ANO5: variants seen among roughly 807,000 people sequenced by gnomAD.
ANO5 encodes the protein anoctamin-5.
In ANO5, 109 loss-of-function variants were observed where a neutral mutation model predicts 121.0. The observed-to-expected ratio is 0.90, with a 90% CI of 0.77 to 1.06. ANO5 has a LOEUF of 1.06. Among genes scored for constraint, ANO5 ranks in the 50% least tolerant of loss-of-function variants. The probability of loss-of-function intolerance (pLI) is 0.00; values close to 1 mark genes in which losing one functional copy is unlikely to be tolerated. For missense variants in ANO5, 1,064 were observed against 1,078.5 expected (o/e 0.99, Z 0.19); for synonymous variants, 406 against 359.9 (o/e 1.13, Z -1.45).
chr11:22,231,345 A>T (rs1050865907), intron 7 of ANO5, among the ~76,000 whole-genome samples: 13 of 151,862 alleles, frequency 8.6e-5, no homozygotes, highest in Admixed American at 4.6e-4. Context: ...ACCTTATTAA[A>T]TTTTTTAATT....
intron 9 of ANO5, among the ~76,000 whole-genome samples, chr11:22,241,813 G>A (rs73481671): frequency 0.055 from 8,304 of 152,048 alleles, 770 homozygotes; most frequent in African/African-American, 0.19. Context: ...TGTGTAGTTT[G>A]TGAATGTTTT....
intron 5 of ANO5, among the ~76,000 whole-genome samples, chr11:22,223,199 G>T (rs1228745257): frequency 6.6e-6 from 1 of 151,940 alleles, no homozygotes; most frequent in Non-Finnish European, 1.5e-5. Flanking sequence ...TCATTAGAAG[G>T]AATCACAGGA....
intron 5 of ANO5, among the ~76,000 whole-genome samples, chr11:22,222,400 A>G (rs1590238359): frequency 6.6e-6 from 1 of 151,808 alleles, no homozygotes; most frequent in Non-Finnish European, 1.5e-5. Flanking sequence ...CCCTTTTCCA[A>G]TAATCTTAGC....
chr11:22,248,348 TACTCA>T (rs1853690380), intron 9 of ANO5, among the ~76,000 whole-genome samples: 3 of 152,084 alleles, frequency 2.0e-5, no homozygotes, highest in African/African-American at 7.2e-5. Flanking sequence ...TAAAAAATAA[TACTCA>T]AAAGAAGGCT....
intron 6 of ANO5, among the ~76,000 whole-genome samples, chr11:22,226,520 C>T (rs1215412570): frequency 6.6e-6 from 1 of 151,916 alleles, no homozygotes; most frequent in Non-Finnish European, 1.5e-5. Context: ...ATATCTTACC[C>T]TATCTATTCC....
In ANO5 at chr11:22,211,191, T is replaced by G. The variant is rs1590223760; in HGVS notation, c.88-73T>G. ...TGCATAGAGATTACAGAGTTGTTAC[T>G]GAAACTTAAAAGCACCCTTTGCTCC... On this transcript the variant is annotated intron_variant, in intron 2 of 21. Coordinates refer to ENST00000324559, the MANE Select transcript of ANO5 (RefSeq NM_213599.3). The G allele has an allele frequency of 3.3e-6, 5 of 1,504,102 alleles. No individual in the cohort carries two copies. The East Asian group carries it at 1.1e-4, about 34-fold the overall frequency. 93.2% of individuals were successfully genotyped at this position (1,504,102 alleles called of 1,614,324 possible).
chr11:22,256,945 G>A (rs1376130315), intron 13 of ANO5, among the ~76,000 whole-genome samples: 1 of 152,146 alleles, frequency 6.6e-6, no homozygotes, highest in Non-Finnish European at 1.5e-5. Flanking sequence ...ATTCTGAGGT[G>A]TGTAGGACTC....
At chr11:22,217,943 T>A (rs1852506156) in intron 3 of ANO5, among the ~76,000 whole-genome samples, 1 of 151,950 alleles carries the variant, frequency 6.6e-6, no homozygotes, top group Non-Finnish European at 1.5e-5. Context: ...TAAAAAAAAG[T>A]AGAAATAAAT....
intron 2 of ANO5, among the ~76,000 whole-genome samples, chr11:22,209,935 AC>A (rs1266270436): frequency 6.6e-6 from 1 of 151,918 alleles, no homozygotes; most frequent in Admixed American, 6.6e-5. Context: ...TATAAATGAA[AC>A]TATAATAAAT....
Position 22,250,330 on chromosome 11 carries a change from TTTTA to T in ANO5, c.978_981del (p.Ile326MetfsTer24). On this transcript the variant is annotated frameshift_variant, in exon 10 of 22. Transcript: ENST00000324559. LOFTEE classifies it high-confidence loss of function. ...TTGCAGCTGTAGTTGGCTTAGCTTG[TTTTA>T]TTTATGGCTTATTATCAATGGAACA... is the stretch of plus-strand genomic sequence containing the variant. 2 of 1,613,482 alleles carry T rather than the reference TTTTA, an allele frequency of 1.2e-6. No individual in the cohort carries two copies. Among genetic ancestry groups the T allele is most frequent in the Non-Finnish European group, 1.7e-6 (2 of 1,179,678 alleles).
intron 9 of ANO5, among the ~76,000 whole-genome samples, chr11:22,242,875 A>G (rs1294550119): frequency 6.6e-6 from 1 of 151,972 alleles, no homozygotes; most frequent in African/African-American, 2.4e-5. Context: ...TTCTTGTCCT[A>G]TTTGGATGCC....
intron 13 of ANO5, 33 bp downstream of exon 13, chr11:22,255,555 T>A: frequency 6.2e-7 from 1 of 1,609,204 alleles, no homozygotes; most frequent in Non-Finnish European, 8.5e-7. Flanking sequence ...GGACAGCATA[T>A]CTCAATGGAC....
intron 1 of ANO5, among the ~76,000 whole-genome samples, chr11:22,199,852 C>A (rs1851913916): frequency 6.6e-6 from 1 of 152,068 alleles, no homozygotes; most frequent in South Asian, 2.1e-4. Flanking sequence ...TATGGATATT[C>A]TTCTCTGATT....
intron 12 of ANO5, among the ~76,000 whole-genome samples, chr11:22,254,607 G>C (rs142594398): frequency 1.2e-3 from 182 of 151,466 alleles, no homozygotes; most frequent in African/African-American, 4.0e-3. Flanking sequence ...AAAAAAGCTT[G>C]ACACGAAAAA....
chr11:22,273,102 C>G, intron 19 of ANO5, 113 bp downstream of exon 19: 1 of 1,166,036 alleles, frequency 8.6e-7, no homozygotes, highest in South Asian at 1.2e-5. Context: ...CTTTATAAAG[C>G]TAAAACATTC....
intron 1 of ANO5, among the ~76,000 whole-genome samples, chr11:22,200,522 T>G (rs766018869): frequency 2.0e-5 from 3 of 152,168 alleles, no homozygotes; most frequent in Non-Finnish European, 2.9e-5. Flanking sequence ...CTTCATAAGC[T>G]TTACTGTTTA....
chr11:22,226,169 A>G, intron 6 of ANO5, 117 bp downstream of exon 6: 2 of 812,598 alleles, frequency 2.5e-6, no homozygotes, highest in South Asian at 3.0e-5. Context: ...TCTTTTGGCT[A>G]CAGATATGTG....
intron 17 of ANO5, among the ~76,000 whole-genome samples, chr11:22,264,024 C>CTTT (rs71034583): frequency 0.08 from 10,274 of 127,992 alleles, 1,517 homozygotes; most frequent in African/African-American, 0.26. Flanking sequence ...ATAGCCAAAC[C>CTTT]TTTTTTTTTT....
intron 21 of ANO5, among the ~76,000 whole-genome samples, chr11:22,279,323 G>A (rs1854986895): frequency 6.6e-6 from 1 of 151,750 alleles, no homozygotes. Context: ...CAATAATCAT[G>A]TTCAACTGGA....
Sources: allele counts gnomAD v4.1 joint callset (sites outside exome capture counted in the v4.1 genomes callset), GRCh38; gene constraint gnomAD v4.1.1; transcripts MANE v1.5; gene names NCBI Gene and HGNC (gene_info 2026-07-23, HGNC 2026-07-21).